CNTN6: variants seen among roughly 807,000 people sequenced by gnomAD.
CNTN6 encodes the protein contactin 6.
A neutral mutation model predicts 122.8 loss-of-function variants in CNTN6; 137 were observed. That is an observed-to-expected ratio of 1.12 (90% CI 0.97 to 1.29). The LOEUF (loss-of-function observed/expected upper bound fraction) is 1.29, where lower values mean the gene tolerates loss of function less well. Among genes scored for constraint, CNTN6 ranks in the 50% most tolerant of loss-of-function variants. The probability of loss-of-function intolerance (pLI) is 0.00; values close to 1 mark genes in which losing one functional copy is unlikely to be tolerated. For missense variants in CNTN6, 1,634 were observed against 1,223.4 expected (o/e 1.34, Z -5.01); for synonymous variants, 570 against 426.0 (o/e 1.34, Z -4.16).
At chr3:1,387,013 A>ACTGT (rs146263350) in intron 20 of CNTN6, among the ~76,000 whole-genome samples, 1,629 of 152,326 alleles carry the variant, frequency 0.011, 26 homozygotes, top group African/African-American at 0.037. Flanking sequence ...AACCAGATCA[A>ACTGT]CTGTCAGATA....
chr3:1,377,096 G>C (rs1364009942), intron 17 of CNTN6, 21 bp downstream of exon 17: 2 of 1,546,058 alleles, frequency 1.3e-6, no homozygotes, highest in Non-Finnish European at 1.8e-6. Flanking sequence ...GTCCAACTGA[G>C]TTATTTTGAA....
At chr3:1,323,528 C>T (rs1223218057) in intron 8 of CNTN6, among the ~76,000 whole-genome samples, 1 of 151,706 alleles carries the variant, frequency 6.6e-6, no homozygotes, top group Non-Finnish European at 1.5e-5. Flanking sequence ...ATTACTGACT[C>T]AGTTACCTCA....
In CNTN6 at chr3:1,099,267, C is replaced by G. The variant is rs574306265; in HGVS notation, c.-83+6147C>G. Among the ~76,000 whole-genome samples, 4 of 151,922 alleles carry G rather than the reference C, an allele frequency of 2.6e-5. No homozygotes were observed. The South Asian group carries it at 8.3e-4, about 32-fold the overall frequency. Reference sequence around the variant, plus strand: ...GAGATCGAGACCATCCTGGCTAACACGGTGAAACCCCGTCTCTACCAAAAA... The same window carrying G: ...GAGATCGAGACCATCCTGGCTAACAGGGTGAAACCCCGTCTCTACCAAAAA... On this transcript the variant is annotated intron_variant, in intron 1 of 22. Coordinates refer to ENST00000446702, the MANE Select transcript of CNTN6 (RefSeq NM_001289080.2).
At position 1,160,890 on chromosome 3, in the gene CNTN6, A is replaced by G. The variant is rs144672757; in HGVS notation, c.55+12827A>G. 3.9e-5 allele frequency among the ~76,000 whole-genome samples: 6 copies of G among 152,258 alleles called. No individual in the cohort carries two copies. In the South Asian group the frequency reaches 1.0e-3, roughly 26 times the overall value. ...CGTTTAAACACAGCTATTATTAAAA[A>G]TTAAATAGACATCCAATTAAAATAA... is the stretch of plus-strand genomic sequence containing the variant. On this transcript the variant is annotated intron_variant, in intron 2 of 22. Coordinates refer to ENST00000446702, the MANE Select transcript of CNTN6 (RefSeq NM_001289080.2).
intron 17 of CNTN6, among the ~76,000 whole-genome samples, chr3:1,377,949 T>A (rs974850533): frequency 3.3e-5 from 5 of 152,170 alleles, no homozygotes; most frequent in African/African-American, 1.2e-4. Context: ...ATTTTTTATC[T>A]GGGAGATGGC....
rs561806510 is a variant in CNTN6 at position 1,285,771 on chromosome 3, T to C, written c.454+7263T>C. Reference sequence around the variant, plus strand: ...ACATCAGTGCATTTATTCCACTCCCTAATTTTCTCTGGCATAATCTGGTCC... The same window carrying C: ...ACATCAGTGCATTTATTCCACTCCCCAATTTTCTCTGGCATAATCTGGTCC... On this transcript the variant is annotated intron_variant, in intron 5 of 22. Transcript: ENST00000446702. 2.6e-5 allele frequency among the ~76,000 whole-genome samples: 4 copies of C among 152,318 alleles called. No individual in the cohort carries two copies. In the South Asian group the frequency reaches 6.2e-4, roughly 24 times the overall value.
At chr3:1,356,395 C>A (rs903302343) in intron 12 of CNTN6, among the ~76,000 whole-genome samples, 1 of 151,746 alleles carries the variant, frequency 6.6e-6, no homozygotes, top group Non-Finnish European at 1.5e-5. Context: ...GTTGTTTATT[C>A]TTCGTGATAG....
chr3:1,313,247 G>T (rs181108406), intron 7 of CNTN6, among the ~76,000 whole-genome samples: 2 of 152,178 alleles, frequency 1.3e-5, no homozygotes, highest in Admixed American at 6.6e-5. Flanking sequence ...ATCATATTCA[G>T]CTCTACCACA....
At chr3:1,258,319 A>C (rs1189395464) in intron 4 of CNTN6, among the ~76,000 whole-genome samples, 1 of 152,150 alleles carries the variant, frequency 6.6e-6, no homozygotes, top group Non-Finnish European at 1.5e-5. Context: ...AGATGTCCAG[A>C]TGATTTTTTG....
intron 12 of CNTN6, among the ~76,000 whole-genome samples, chr3:1,356,722 C>T (rs775287964): frequency 4.0e-5 from 6 of 151,776 alleles, no homozygotes; most frequent in Non-Finnish European, 5.9e-5. Flanking sequence ...CAGTTCCACA[C>T]GCCACTTTCC....
chr3:1,329,977 A>T, intron 11 of CNTN6, 42 bp downstream of exon 11: 6 of 1,436,732 alleles, frequency 4.2e-6, no homozygotes, highest in Non-Finnish European at 5.5e-6. Flanking sequence ...TGTTTGTAAT[A>T]TAACATCTTC....
chr3:1,175,869 G>A (rs2093439573), intron 2 of CNTN6, among the ~76,000 whole-genome samples: 1 of 152,150 alleles, frequency 6.6e-6, no homozygotes, highest in Non-Finnish European at 1.5e-5. Flanking sequence ...ACTTGGTATT[G>A]CATTTTATAT....
intron 11 of CNTN6, among the ~76,000 whole-genome samples, chr3:1,345,672 G>T (rs1045564866): frequency 1.3e-5 from 2 of 152,002 alleles, no homozygotes; most frequent in Non-Finnish European, 2.9e-5. Context: ...ACAGATTCCG[G>T]TGGGACATTT....
At chr3:1,275,158 CTG>C (rs2125774261) in intron 4 of CNTN6, among the ~76,000 whole-genome samples, 1 of 152,284 alleles carries the variant, frequency 6.6e-6, no homozygotes, top group African/African-American at 2.4e-5. Context: ...CTTATTTTAT[CTG>C]TGTCCTGAAT....
chr3:1,350,385 A>G (rs1450065979), intron 11 of CNTN6, among the ~76,000 whole-genome samples: 1 of 151,910 alleles, frequency 6.6e-6, no homozygotes, highest in Non-Finnish European at 1.5e-5. Context: ...AAGCCTGAGT[A>G]CTAGGATAAT....
intron 2 of CNTN6, among the ~76,000 whole-genome samples, chr3:1,165,185 A>C (rs560097380): frequency 6.6e-6 from 1 of 152,248 alleles, no homozygotes; most frequent in East Asian, 1.9e-4. Context: ...CCAAGTGTTC[A>C]TATCCTAGTG....
chr3:1,402,337 G>A lies in CNTN6; in HGVS notation c.2837G>A (p.Arg946Lys). ...ATTCAGATTCTGTACCGGCAAAACA[G>A]ACAGAGTAAAACTCATATTTTGGAA... ...LGYKILYRQN[R>K]QSKTHILETN... Residue 946 changes from arginine to lysine, a missense_variant, in exon 22 of 23, where the codon AGA (arginine) becomes AAA (lysine). Coordinates refer to ENST00000446702, the MANE Select transcript of CNTN6 (RefSeq NM_001289080.2). The A allele has an allele frequency of 6.2e-7, 1 of 1,608,908 alleles. No homozygotes were observed.
At chr3:1,385,582 A>T (rs1225685846) in intron 19 of CNTN6, 29 bp from the exon 20 acceptor site, 9 of 1,549,348 alleles carry the variant, frequency 5.8e-6, no homozygotes, top group Non-Finnish European at 7.9e-6. Context: ...GGGAACAATA[A>T]ATTGCTTGTT....
chr3:1,227,974 G>T lies in CNTN6; in HGVS notation c.339G>T (p.Lys113Asn). The T allele has an allele frequency of 6.2e-7, 1 of 1,613,194 alleles. No individual in the cohort carries two copies. Among genetic ancestry groups the T allele is most frequent in the Non-Finnish European group, 8.5e-7 (1 of 1,179,690 alleles). Residue 113 changes from lysine (K) to asparagine (N), a missense_variant, in exon 4 of 23, where the codon AAG becomes AAT. Physicochemically the swap from Lys to Asn is moderately conservative, Grantham distance 94. Coordinates refer to ENST00000446702, the MANE Select transcript of CNTN6 (RefSeq NM_001289080.2). Reference protein sequence around the residue: ...TNLLGTILSRKAKLQFAYIED... With the variant: ...TNLLGTILSRNAKLQFAYIED... The stretch of plus-strand genomic sequence containing the variant: ...TTCTGGGGACAATTCTGAGTCGGAA[G>T]GCAAAGCTCCAATTTGCATGTGAGT...
Sources: allele counts gnomAD v4.1 joint callset (sites outside exome capture counted in the v4.1 genomes callset), GRCh38; gene constraint gnomAD v4.1.1; transcripts MANE v1.5; gene names NCBI Gene and HGNC (gene_info 2026-07-23, HGNC 2026-07-21).